The following KCNU1 variants were observed in gnomAD, a reference collection of about 807,000 sequenced individuals.
KCNU1 encodes potassium calcium-activated channel subfamily U member 1, also known as potassium channel subfamily U member 1.
A neutral mutation model predicts 126.8 loss-of-function variants in KCNU1; 93 were observed. The ratio of observed to expected loss-of-function variants is 0.73; its 90% CI spans 0.62 to 0.87. The LOEUF is 0.87. Among genes scored for constraint, KCNU1 ranks in the 40% least tolerant of loss-of-function variants. The pLI, the probability that KCNU1 is intolerant of heterozygous loss-of-function variation, is 0.00. For missense variants in KCNU1, 1,330 were observed against 1,367.1 expected (o/e 0.97, Z 0.43); for synonymous variants, 523 against 494.2 (o/e 1.06, Z -0.77).
intron 1 of KCNU1, among the ~76,000 whole-genome samples, chr8:36,784,900 A>T (rs1802657411): frequency 1.3e-5 from 2 of 151,510 alleles, no homozygotes; most frequent in Non-Finnish European, 2.9e-5. Context: ...AAAGTTCATA[A>T]ACATTATGTC....
chr8:36,936,006 T>G lies in KCNU1; in HGVS notation c.*86T>G. On this transcript the variant is annotated 3_prime_UTR_variant, in exon 27 of 27. Transcript: ENST00000399881. ...TAACTTTGAACAAAGAAAATAAGAA[T>G]GGAAGCATGCCATTTTTCTGCCCAT... 5.5e-6 allele frequency: 7 copies of G among 1,280,988 alleles called. No individual in the cohort carries two copies. Among genetic ancestry groups the G allele is most frequent in the Non-Finnish European group, 7.5e-6 (7 of 933,560 alleles). The allele number at this position is 1,280,988 out of a possible 1,614,324, so 79.4% of individuals were successfully genotyped here. A position where few individuals can be genotyped will look rare whatever the true frequency, so the allele number is the denominator to read the frequency against.
At chr8:36,851,589 T>C (rs1012645167) in intron 18 of KCNU1, among the ~76,000 whole-genome samples, 3 of 152,198 alleles carry the variant, frequency 2.0e-5, no homozygotes, top group African/African-American at 7.2e-5. Flanking sequence ...TAATACACGA[T>C]GAACATATGA....
intron 24 of KCNU1, chr8:36,923,084 T>C: frequency 2.2e-6 from 1 of 456,544 alleles, no homozygotes; most frequent in Non-Finnish European, 4.4e-6. Flanking sequence ...TCCCTCCATG[T>C]TCCTCCTCTC....
rs537834419 is a variant in KCNU1, at chr8:36,905,725, T to C, written c.2027T>C (p.Val676Ala). ...CTATTTAGGACTCTTCAACATGATG[T>C]AGAACAAGATTCTGACCAGCTTGAT... Reference protein sequence around the residue: ...NFTTRTLQHDVEQDSDQLDSS... With the variant: ...NFTTRTLQHDAEQDSDQLDSS... Residue 676 changes from valine (V) to alanine (A), a missense_variant, in exon 20 of 27, where the codon GTA becomes GCA. Around this residue, in one of 3 missense-constraint regions of KCNU1, gnomAD observed 1,054 missense variants for 1,053.9 expected, o/e 1.00. Coordinates refer to ENST00000399881, the MANE Select transcript of KCNU1 (RefSeq NM_001031836.3). The C allele has an allele frequency of 2.5e-6, 4 of 1,598,290 alleles. No individual in the cohort carries two copies. The highest frequency in any genetic ancestry group is 3.4e-6 in the Non-Finnish European group (4 of 1,166,174).
intron 22 of KCNU1, among the ~76,000 whole-genome samples, chr8:36,918,206 G>A (rs1211776899): frequency 6.6e-6 from 1 of 152,104 alleles, no homozygotes; most frequent in Non-Finnish European, 1.5e-5. Flanking sequence ...ACTACTGGGA[G>A]AGCTTTGCCT....
rs1803390702 is a variant in KCNU1, at chr8:36,803,628, T to C, written c.316-399T>C. 2.0e-5 allele frequency among the ~76,000 whole-genome samples: 3 copies of C among 152,176 alleles called. No homozygotes were observed. In the South Asian group the frequency reaches 6.2e-4, roughly 32 times the overall value. The stretch of plus-strand genomic sequence containing the variant: ...AGGGTCTATTTCCAATAACCCCTTC[T>C]TTTCTAGCATGTGATAAATTGCATA... On this transcript the variant is annotated intron_variant, in intron 2 of 26. Coordinates refer to ENST00000399881, the MANE Select transcript of KCNU1 (RefSeq NM_001031836.3).
intron 22 of KCNU1, 88 bp from the exon 23 acceptor site, chr8:36,918,735 G>A: frequency 1.2e-6 from 1 of 839,386 alleles, no homozygotes; most frequent in Non-Finnish European, 2.0e-6. Context: ...CTAAGATAAA[G>A]CACCAAGTTA....
chr8:36,788,329 G>T (rs1490588865), intron 2 of KCNU1, among the ~76,000 whole-genome samples: 3 of 152,020 alleles, frequency 2.0e-5, no homozygotes, highest in Non-Finnish European at 1.5e-5. Context: ...AGTACAGTGA[G>T]CTCCTGTCTA....
At chr8:36,924,396 G>A (rs1299396305) in intron 24 of KCNU1, among the ~76,000 whole-genome samples, 1 of 152,162 alleles carries the variant, frequency 6.6e-6, no homozygotes, top group Admixed American at 6.5e-5. Context: ...AGGGAGCACG[G>A]CTGGGCATAT....
chr8:36,814,311 T>C lies in KCNU1; in HGVS notation c.837T>C (p.Phe279=), dbSNP rs553986758. The C allele has an allele frequency of 8.3e-5, 134 of 1,613,190 alleles. No individual in the cohort carries two copies. The East Asian group carries it at 2.8e-3, about 34-fold the overall frequency. ...LVMATTSTVG[F]GDVVAKTSLG... ...TGGCAACAACGTCAACCGTTGGATT[T>C]GGAGATGTGGTAGCCAAGACATCCT... The change falls in exon 8 of 27, where the codon TTT becomes TTC. Residue 279 remains phenylalanine (F), a synonymous_variant. Coordinates refer to ENST00000399881, the MANE Select transcript of KCNU1 (RefSeq NM_001031836.3).
intron 19 of KCNU1, among the ~76,000 whole-genome samples, 168 bp from the exon 20 acceptor site, chr8:36,905,540 T>C (rs942374259): frequency 5.3e-5 from 8 of 152,176 alleles, no homozygotes; most frequent in Non-Finnish European, 1.0e-4. Flanking sequence ...CTGGGCTCTT[T>C]GTGCTCTTCA....
intron 20 of KCNU1, among the ~76,000 whole-genome samples, chr8:36,908,228 T>C (rs1172067376): frequency 6.6e-6 from 1 of 152,178 alleles, no homozygotes; most frequent in African/African-American, 2.4e-5. Context: ...CATTTATTGT[T>C]TTTATGAGTC....
intron 10 of KCNU1, among the ~76,000 whole-genome samples, chr8:36,818,821 G>A (rs1211359997): frequency 6.6e-6 from 1 of 152,158 alleles, no homozygotes; most frequent in Non-Finnish European, 1.5e-5. Context: ...ATAACCGATA[G>A]CAGTTTGAAG....
At chr8:36,933,730 G>A (rs904773826) in intron 26 of KCNU1, among the ~76,000 whole-genome samples, 7 of 152,268 alleles carry the variant, frequency 4.6e-5, no homozygotes, top group African/African-American at 1.7e-4. Context: ...ATTACTCAAA[G>A]TGGAGTGGTC....
At chr8:36,827,125 A>G (rs1804354685) in intron 10 of KCNU1, among the ~76,000 whole-genome samples, 1 of 152,194 alleles carries the variant, frequency 6.6e-6, no homozygotes, top group Non-Finnish European at 1.5e-5. Flanking sequence ...TAACTTAGAC[A>G]GATGATGTTA....
chr8:36,794,129 A>C (rs1489858179), intron 2 of KCNU1, among the ~76,000 whole-genome samples: 1 of 151,982 alleles, frequency 6.6e-6, no homozygotes, highest in African/African-American at 2.4e-5. Context: ...TTTAAATGAA[A>C]GCAAGTCACA....
At chr8:36,873,371 C>T (rs1433514691) in intron 19 of KCNU1, among the ~76,000 whole-genome samples, 1 of 151,998 alleles carries the variant, frequency 6.6e-6, no homozygotes, top group Non-Finnish European at 1.5e-5. Context: ...TAGTGAAAGT[C>T]AAAGACACAA....
chr8:36,910,908 C>G, intron 21 of KCNU1, 22 bp from the exon 22 acceptor site: 132 of 1,432,802 alleles, frequency 9.2e-5, no homozygotes, highest in Non-Finnish European at 1.2e-4. Flanking sequence ...CCAGTGCCTC[C>G]TCTCTCTTTT....
At chr8:36,847,129 A>G (rs1000932200) in intron 18 of KCNU1, among the ~76,000 whole-genome samples, 1 of 152,258 alleles carries the variant, frequency 6.6e-6, no homozygotes, top group African/African-American at 2.4e-5. Flanking sequence ...AGGCTCTATC[A>G]TTTGTTACTG....
Sources: allele counts gnomAD v4.1 joint callset (sites outside exome capture counted in the v4.1 genomes callset), GRCh38; gene constraint gnomAD v4.1.1; regional missense constraint gnomAD v4.1.1; transcripts MANE v1.5; gene names NCBI Gene and HGNC (gene_info 2026-07-23, HGNC 2026-07-21).